Variants in ANO7 observed in about 807,000 individuals in gnomAD.
ANO7 encodes anoctamin-7.
In ANO7, 114 loss-of-function variants were observed where a neutral mutation model predicts 115.8. That is an observed-to-expected ratio of 0.98 (90% CI 0.85 to 1.15). ANO7 has a LOEUF of 1.15. Among genes scored for constraint, ANO7 ranks in the 50% most tolerant of loss-of-function variants. ANO7 has a pLI of 0.00. For synonymous variants in ANO7, 550 were observed against 498.2 expected (o/e 1.10, Z -1.38); for missense variants, 1,302 against 1,201.2 (o/e 1.08, Z -1.24).
At chr2:241,196,161 A>G in intron 4 of ANO7, 1 of 1,296,532 alleles carries the variant, frequency 7.7e-7, no homozygotes, top group Non-Finnish European at 9.8e-7. Flanking sequence ...GCTTTTGGGT[A>G]GGCGTGTCAT....
At chr2:241,210,434 C>G in intron 14 of ANO7, 34 bp from the exon 15 acceptor site, 1 of 1,613,856 alleles carries the variant, frequency 6.2e-7, no homozygotes, top group Non-Finnish European at 8.5e-7. Context: ...CTGAGCGGCC[C>G]CTCATCCGGC....
At chr2:241,235,016 A>G in the ANO7 span, 14 of 1,390,006 alleles carry the variant, frequency 1.0e-5, no homozygotes, top group East Asian at 2.4e-4. Flanking sequence ...CTCCAGCCAG[A>G]TGTCGCTGGG....
In ANO7 at chr2:241,214,905, G is replaced by A. The variant is rs760071705; in HGVS notation, c.1826+3G>A. The A allele has an allele frequency of 3.4e-5, 55 of 1,611,452 alleles. No homozygotes were observed. Among genetic ancestry groups the A allele is most frequent in the Middle Eastern group, 1.6e-4 (1 of 6,078 alleles). ...AACATGCAGGAGGTCCTCATCCCGTGAGTCCCCCACTCCTCCCTGGGTGGC... is the reference window on the plus strand; with the variant it reads ...AACATGCAGGAGGTCCTCATCCCGTAAGTCCCCCACTCCTCCCTGGGTGGC... On this transcript the variant is annotated splice_donor_region_variant and intron_variant, in intron 18 of 24. Transcript: ENST00000674324.
chr2:241,228,345 C>T (rs2069330192), downstream of ANO7: 1 of 152,376 alleles, frequency 6.6e-6, no homozygotes, highest in Admixed American at 6.5e-5. Context: ...GGTCTCTCGG[C>T]ATCCAGCGGC....
chr2:241,206,654 G>T (rs1182190599), intron 10 of ANO7, among the ~76,000 whole-genome samples: 3 of 40,656 alleles, frequency 7.4e-5, no homozygotes, highest in Non-Finnish European at 1.4e-4. Context: ...TGACAGGTGG[G>T]CAGGAGTGCT....
In ANO7 at chr2:241,225,628, C is replaced by T. The variant is rs1046612278; in HGVS notation, c.*1475C>T. Among the ~76,000 whole-genome samples the T allele has an allele frequency of 6.6e-6, 1 of 152,152 alleles. No homozygotes were observed. The highest frequency in any genetic ancestry group is 1.5e-5 in the Non-Finnish European group (1 of 68,042). On this transcript the variant is annotated 3_prime_UTR_variant, in exon 25 of 25. Transcript: ENST00000674324. ...GCCTCTTTCTGAACATCCTCGCCTG[C>T]GTTCTATTTCACCCACCGTGATGCC...
rs184987150 is a variant in ANO7, at chr2:241,214,800, C to G, written c.1729-5C>G. Reference sequence around the variant, plus strand: ...TCCCAGCTAACCTGAGCCCTGCTGCCGTAGTGCGCGGCTGGAGGCTGCCTG... The same window carrying G: ...TCCCAGCTAACCTGAGCCCTGCTGCGGTAGTGCGCGGCTGGAGGCTGCCTG... On this transcript the variant is annotated splice_polypyrimidine_tract_variant and splice_region_variant and intron_variant, in intron 17 of 24. Coordinates refer to ENST00000674324, the MANE Select transcript of ANO7 (RefSeq NM_001370694.2). 3.1e-6 allele frequency: 5 copies of G among 1,610,418 alleles called. No homozygotes were observed. The highest frequency in any genetic ancestry group is 3.3e-5 in the Admixed American group (2 of 59,950).
At chr2:241,212,750 A>C in intron 17 of ANO7, 124 bp downstream of exon 17, 1 of 1,146,030 alleles carries the variant, frequency 8.7e-7, no homozygotes, top group South Asian at 1.5e-5. Context: ...TCGCCCAGCC[A>C]GGGCCAGCTG....
At chr2:241,223,502 G>C (rs1432744809) in intron 22 of ANO7, 160 bp from the exon 23 acceptor site, 10 of 1,214,598 alleles carry the variant, frequency 8.2e-6, no homozygotes, top group East Asian at 2.5e-5. Flanking sequence ...GGCCACGAAA[G>C]CTGGGGTGGC....
Position 241,207,661 on chromosome 2 carries a change from C to G in ANO7, c.1068C>G (p.Ala356=). 6.2e-7 allele frequency: 1 copy of G among 1,613,700 alleles called. No homozygotes were observed. The highest frequency in any genetic ancestry group is 8.5e-7 in the Non-Finnish European group (1 of 1,179,950). Residue 356 remains alanine, a synonymous_variant, in exon 11 of 25, where the codon GCC becomes GCG. Transcript: ENST00000674324. ...CPFWLLSSAC[A]LAQAGRLFDH... ...TCTGGCTGCTCTCCAGCGCCTGTGC[C>G]CTGGCCCAGGTACGAGAAGAGGTGG... is the stretch of plus-strand genomic sequence containing the variant.
In ANO7 at chr2:241,225,824, C is replaced by T. The variant is rs2069153291; in HGVS notation, c.*1671C>T. 6.6e-6 allele frequency among the ~76,000 whole-genome samples: 1 copy of T among 152,224 alleles called. No individual in the cohort carries two copies. Among genetic ancestry groups the T allele is most frequent in the Non-Finnish European group, 1.5e-5 (1 of 68,040 alleles). On this transcript the variant is annotated 3_prime_UTR_variant, in exon 25 of 25. Coordinates refer to ENST00000674324, the MANE Select transcript of ANO7 (RefSeq NM_001370694.2). ...ACCGGCCGGAGCATGGCGGACAGCACACACGGCCCGGGGCGGGAACCTTGG... is the reference window on the plus strand; with the variant it reads ...ACCGGCCGGAGCATGGCGGACAGCATACACGGCCCGGGGCGGGAACCTTGG...
intron 16 of ANO7, 101 bp downstream of exon 16, chr2:241,212,306 C>A: frequency 1.6e-6 from 2 of 1,241,840 alleles, no homozygotes; most frequent in Admixed American, 1.7e-5. Context: ...CGTGCTCAGG[C>A]AGGTGGAGGA....
the ANO7 span, chr2:241,235,592 T>C: frequency 1.2e-6 from 2 of 1,610,872 alleles, no homozygotes. Flanking sequence ...CAGGAACCAA[T>C]GCCTGCAGGG....
intron 13 of ANO7, among the ~76,000 whole-genome samples, chr2:241,210,055 T>C (rs754602908): frequency 6.6e-6 from 1 of 152,204 alleles, no homozygotes; most frequent in Non-Finnish European, 1.5e-5. Flanking sequence ...TCACAGTGGC[T>C]GCCTTGACAC....
chr2:241,201,702 G>A (rs1285967077), intron 7 of ANO7, among the ~76,000 whole-genome samples: 1 of 152,224 alleles, frequency 6.6e-6, no homozygotes, highest in Non-Finnish European at 1.5e-5. Flanking sequence ...AGGAAGGGTG[G>A]CCCCAGGCGG....
chr2:241,196,997 G>A (rs2068352870), intron 4 of ANO7, among the ~76,000 whole-genome samples: 2 of 152,208 alleles, frequency 1.3e-5, no homozygotes, highest in South Asian at 2.1e-4. Context: ...GCAGTGGCCT[G>A]AGGCCCCTTG....
At chr2:241,196,049 C>G in intron 4 of ANO7, 6 of 1,430,330 alleles carry the variant, frequency 4.2e-6, no homozygotes, top group Non-Finnish European at 4.6e-6. Context: ...ACATTGATCC[C>G]TCCTGCACAC....
chr2:241,228,714 A>AC (rs890886714), downstream of ANO7: 42 of 153,116 alleles, frequency 2.7e-4, no homozygotes, highest in African/African-American at 9.9e-4. Flanking sequence ...AACTGAACAC[A>AC]CAGCAGCTAG....
chr2:241,234,483 A>T, the ANO7 span, among the ~76,000 whole-genome samples: 2 of 152,046 alleles, frequency 1.3e-5, no homozygotes, highest in African/African-American at 4.8e-5. Context: ...CACGAGCTCC[A>T]CCCCATTCAC....
Sources: allele counts gnomAD v4.1 joint callset (sites outside exome capture counted in the v4.1 genomes callset), GRCh38; gene constraint gnomAD v4.1.1; transcripts MANE v1.5; gene names NCBI Gene and HGNC (gene_info 2026-07-23, HGNC 2026-07-21).